Variants in CLINT1 observed in about 807,000 individuals in gnomAD.
The protein encoded by CLINT1 is clathrin interactor 1, also known as clathrin interacting protein localized in the trans-Golgi region.
CLINT1 carries 15 observed loss-of-function variants against 70.4 expected under a neutral mutation model. The ratio of observed to expected loss-of-function variants is 0.21; its 90% CI spans 0.14 to 0.33. The LOEUF (loss-of-function observed/expected upper bound fraction) is 0.33, where lower values mean the gene tolerates loss of function less well. Ranked by LOEUF, CLINT1 falls within the 10% of genes least tolerant of loss-of-function variation. The probability of loss-of-function intolerance (pLI) is 1.00; values close to 1 mark genes in which losing one functional copy is unlikely to be tolerated. For synonymous variants in CLINT1, 227 were observed against 254.7 expected (o/e 0.89, Z 1.04); for missense variants, 615 against 778.1 (o/e 0.79, Z 2.49).
At chr5:157,799,825 A>G (rs1762161217) in intron 8 of CLINT1, among the ~76,000 whole-genome samples, 1 of 152,116 alleles carries the variant, frequency 6.6e-6, no homozygotes, top group South Asian at 2.1e-4. Context: ...GGTATAGCCT[A>G]TTACTCCTTG....
intron 1 of CLINT1, among the ~76,000 whole-genome samples, chr5:157,857,884 T>C (rs1189123316): frequency 6.6e-6 from 1 of 152,248 alleles, no homozygotes; most frequent in Non-Finnish European, 1.5e-5. Context: ...CAGTTTGCTA[T>C]CTATACTTCC....
intron 1 of CLINT1, among the ~76,000 whole-genome samples, chr5:157,858,303 C>T (rs540923533): frequency 6.6e-6 from 1 of 152,248 alleles, no homozygotes; most frequent in East Asian, 1.9e-4. Flanking sequence ...CGCAAGAAGT[C>T]ATATAGTGAT....
At chr5:157,850,240 A>G (rs751306806) in intron 1 of CLINT1, among the ~76,000 whole-genome samples, 6 of 152,216 alleles carry the variant, frequency 3.9e-5, no homozygotes, top group Non-Finnish European at 7.3e-5. Flanking sequence ...TGACAGGGCT[A>G]AACATTTTAC....
At chr5:157,793,819 C>T (rs978127306) in intron 9 of CLINT1, among the ~76,000 whole-genome samples, 2 of 152,098 alleles carry the variant, frequency 1.3e-5, no homozygotes, top group African/African-American at 4.8e-5. Context: ...AGCTATGTAT[C>T]TTTTTTCTAA....
Position 157,791,884 on chromosome 5 carries a change from G to C in CLINT1, c.1199C>G (p.Ala400Gly). ...GEFFGSASQP[A>G]VELVSGSQSA... ...TTGTGAGCCACTAACAAGTTCTACC[G>C]CTGGCTGTGAGGCACTGCCAAAGAA... The change falls in exon 10 of 12, where the codon GCG (alanine) becomes GGG (glycine). Residue 400 changes from alanine (A) to glycine (G), a missense_variant. Physicochemically the swap from Ala to Gly is moderately conservative, Grantham distance 60. Transcript: ENST00000411809. The C allele has an allele frequency of 6.2e-7, 1 of 1,613,946 alleles. No individual in the cohort carries two copies. The highest frequency in any genetic ancestry group is 8.5e-7 in the Non-Finnish European group (1 of 1,179,872).
intron 1 of CLINT1, among the ~76,000 whole-genome samples, chr5:157,827,352 G>T (rs977455684): frequency 3.3e-5 from 5 of 151,990 alleles, no homozygotes; most frequent in Admixed American, 1.3e-4. Context: ...TATATAAAAG[G>T]TCATTAAATG....
intron 1 of CLINT1, among the ~76,000 whole-genome samples, chr5:157,833,365 G>A (rs1227044118): frequency 2.0e-5 from 3 of 151,414 alleles, no homozygotes; most frequent in Non-Finnish European, 4.4e-5. Context: ...AAAAAAAAAG[G>A]AGGAAGTTCA....
At chr5:157,815,903 G>C (rs1372795779) in intron 3 of CLINT1, among the ~76,000 whole-genome samples, 1 of 152,132 alleles carries the variant, frequency 6.6e-6, no homozygotes, top group African/African-American at 2.4e-5. Flanking sequence ...AATCCAATGG[G>C]ACCACTGACA....
chr5:157,827,362 G>C (rs1763071735), intron 1 of CLINT1, among the ~76,000 whole-genome samples: 1 of 152,104 alleles, frequency 6.6e-6, no homozygotes, highest in African/African-American at 2.4e-5. Flanking sequence ...GTCATTAAAT[G>C]TTTATAGTCC....
intron 9 of CLINT1, among the ~76,000 whole-genome samples, chr5:157,792,363 C>T (rs1761943681): frequency 6.6e-6 from 1 of 151,950 alleles, no homozygotes; most frequent in Non-Finnish European, 1.5e-5. Flanking sequence ...CTGTCTAGCA[C>T]GGTGAAACCT....
In CLINT1 at chr5:157,809,795, A is replaced by G. The variant is rs1265592950; in HGVS notation, c.528T>C (p.Tyr176=). The G allele has an allele frequency of 1.6e-5, 25 of 1,612,414 alleles. No homozygotes were observed. Among genetic ancestry groups the G allele is most frequent in the Middle Eastern group, 1.6e-4 (1 of 6,076 alleles). ...CCCATTTTGATTTGGGCTCAGGATC[A>G]TATCTTTCACCTAGATAGAGCATTA... The part of the protein sequence containing the change: ...SVGGFRYSER[Y]DPEPKSKWDE... The change falls in exon 6 of 12, where the codon TAT becomes TAC. Residue 176 remains tyrosine (Y), a synonymous_variant. Transcript: ENST00000411809.
At chr5:157,830,771 T>C (rs1370235851) in intron 1 of CLINT1, among the ~76,000 whole-genome samples, 28 of 125,176 alleles carry the variant, frequency 2.2e-4, no homozygotes, top group African/African-American at 7.5e-4. Context: ...TCTCTCTCTC[T>C]CTCTCTCTCT....
chr5:157,789,938 T>A (rs552649635), intron 10 of CLINT1: 3 of 208,804 alleles, frequency 1.4e-5, no homozygotes, highest in Non-Finnish European at 2.9e-5. Flanking sequence ...CAGTGACTTA[T>A]GCCTGTAATC....
intron 3 of CLINT1, among the ~76,000 whole-genome samples, chr5:157,815,955 T>C (rs1762710872): frequency 6.6e-6 from 1 of 152,230 alleles, no homozygotes; most frequent in Non-Finnish European, 1.5e-5. Flanking sequence ...TTATGTGGTA[T>C]ATACGACTTT....
chr5:157,857,094 A>C (rs906732000), intron 1 of CLINT1, among the ~76,000 whole-genome samples: 5 of 152,064 alleles, frequency 3.3e-5, no homozygotes, highest in African/African-American at 9.7e-5. Flanking sequence ...AGAAATAAGG[A>C]GGCAGTGCCA....
intron 6 of CLINT1, chr5:157,809,076 G>T (rs1159960098): frequency 6.6e-6 from 1 of 152,062 alleles, no homozygotes; most frequent in African/African-American, 2.4e-5. Flanking sequence ...GTATAACCTA[G>T]TATCTTAAAA....
At chr5:157,844,496 T>C (rs1426945735) in intron 1 of CLINT1, among the ~76,000 whole-genome samples, 2 of 152,172 alleles carry the variant, frequency 1.3e-5, no homozygotes, top group Non-Finnish European at 2.9e-5. Context: ...TACTATTTAA[T>C]AAGCACTCAG....
chr5:157,791,941 G>T lies in CLINT1; in HGVS notation c.1142C>A (p.Ala381Asp). The change falls in exon 10 of 12, where the codon GCC becomes GAC. Residue 381 changes from alanine to aspartate, a missense_variant. By Grantham distance (126) the Ala-to-Asp change is moderately radical. This residue lies in a region of CLINT1 where 374 missense variants were observed against 409.6 expected (regional missense o/e 0.91). Coordinates refer to ENST00000411809, the MANE Select transcript of CLINT1 (RefSeq NM_014666.4). ...DFGDWSAFNQAPSGPVASSGE... is the reference protein window; with the variant it reads ...DFGDWSAFNQDPSGPVASSGE... The stretch of plus-strand genomic sequence containing the variant: ...ACTGGAAGCAACAGGGCCTGATGGG[G>T]CTTGGTTGAAGGCACTCCAGTCACC... 6.2e-7 allele frequency: 1 copy of T among 1,613,988 alleles called. No individual in the cohort carries two copies. The highest frequency in any genetic ancestry group is 8.5e-7 in the Non-Finnish European group (1 of 1,179,882).
intron 1 of CLINT1, among the ~76,000 whole-genome samples, chr5:157,854,873 G>A (rs1322673374): frequency 6.6e-6 from 1 of 152,122 alleles, no homozygotes; most frequent in Non-Finnish European, 1.5e-5. Flanking sequence ...GCTGGGCAAG[G>A]TGGCTCATGC....
Sources: allele counts gnomAD v4.1 joint callset (sites outside exome capture counted in the v4.1 genomes callset), GRCh38; gene constraint gnomAD v4.1.1; regional missense constraint gnomAD v4.1.1; transcripts MANE v1.5; gene names NCBI Gene and HGNC (gene_info 2026-07-23, HGNC 2026-07-21).